LDB2: variants seen among roughly 807,000 people sequenced by gnomAD.
LDB2 encodes the protein LIM domain-binding protein 2.
LDB2 carries 12 observed loss-of-function variants against 44.3 expected under a neutral mutation model. The ratio of observed to expected loss-of-function variants is 0.27; its 90% CI spans 0.17 to 0.44. The LOEUF is 0.44. Ranked by LOEUF, LDB2 falls within the 20% of genes least tolerant of loss-of-function variation. The probability of loss-of-function intolerance (pLI) is 1.00; values close to 1 mark genes in which losing one functional copy is unlikely to be tolerated. For synonymous variants in LDB2, 164 were observed against 174.8 expected (o/e 0.94, Z 0.49); for missense variants, 344 against 473.5 (o/e 0.73, Z 2.54).
rs1778535926 is a variant in LDB2, at chr4:16,805,129, C to T, written c.133-45869G>A. 3.9e-5 allele frequency among the ~76,000 whole-genome samples: 6 copies of T among 152,148 alleles called. No individual in the cohort carries two copies. In the South Asian group the frequency reaches 1.2e-3, roughly 32 times the overall value. ...AGAAGGGTAGAGAGACCTCTGGCAT[C>T]TCTTCTTCTAAAGACACTAATTCTA... On this transcript the variant is annotated intron_variant, in intron 1 of 7. Transcript: ENST00000304523.
intron 5 of LDB2, among the ~76,000 whole-genome samples, chr4:16,568,037 C>A (rs1335381002): frequency 1.3e-5 from 2 of 152,004 alleles, no homozygotes; most frequent in Non-Finnish European, 2.9e-5. Context: ...GATAAAGGAT[C>A]CCTGTCCCTT....
chr4:16,809,132 T>C (rs886153956), intron 1 of LDB2, among the ~76,000 whole-genome samples: 2 of 152,270 alleles, frequency 1.3e-5, no homozygotes, highest in Admixed American at 6.5e-5. Context: ...AGAGCTACAA[T>C]TGAAAAGAGC....
At chr4:16,731,475 C>G (rs2108922566) in intron 2 of LDB2, among the ~76,000 whole-genome samples, 1 of 152,226 alleles carries the variant, frequency 6.6e-6, no homozygotes, top group Non-Finnish European at 1.5e-5. Flanking sequence ...ATAAGGGACC[C>G]AGACAGCATG....
At chr4:16,554,050 A>ATTT (rs369728278) in intron 5 of LDB2, among the ~76,000 whole-genome samples, 18 of 140,712 alleles carry the variant, frequency 1.3e-4, no homozygotes, top group African/African-American at 4.4e-4. Flanking sequence ...AATGGCCTGA[A>ATTT]TTTTTTTTTT....
At chr4:16,677,327 T>G (rs984424979) in intron 2 of LDB2, among the ~76,000 whole-genome samples, 1 of 152,156 alleles carries the variant, frequency 6.6e-6, no homozygotes. Flanking sequence ...TAAGCATATG[T>G]GCATAAAATA....
At chr4:16,844,070 T>C (rs1171362030) in intron 1 of LDB2, among the ~76,000 whole-genome samples, 2 of 130,696 alleles carry the variant, frequency 1.5e-5, no homozygotes, top group Non-Finnish European at 3.2e-5. Context: ...CTGGGCAACA[T>C]AGCAAGACCC....
intron 1 of LDB2, among the ~76,000 whole-genome samples, chr4:16,759,956 G>A (rs1274191523): frequency 6.6e-6 from 1 of 152,174 alleles, no homozygotes; most frequent in African/African-American, 2.4e-5. Context: ...TGTTTCTCCT[G>A]CTCATGCAGA....
At chr4:16,751,468 T>G (rs1765489353) in intron 2 of LDB2, among the ~76,000 whole-genome samples, 1 of 152,176 alleles carries the variant, frequency 6.6e-6, no homozygotes, top group Non-Finnish European at 1.5e-5. Flanking sequence ...TTGCAACTTC[T>G]GATACTATCA....
At chr4:16,532,837 T>C (rs2152306643) in intron 5 of LDB2, among the ~76,000 whole-genome samples, 1 of 152,310 alleles carries the variant, frequency 6.6e-6, no homozygotes, top group African/African-American at 2.4e-5. Flanking sequence ...GTGGGACTTC[T>C]TCGGTCATAT....
chr4:16,682,724 C>T (rs77891261), intron 2 of LDB2, among the ~76,000 whole-genome samples: 4,488 of 152,300 alleles, frequency 0.029, 84 homozygotes, highest in Middle Eastern at 0.1. Context: ...GCAGCTTTGC[C>T]TGCACCTGGT....
intron 5 of LDB2, among the ~76,000 whole-genome samples, chr4:16,568,429 C>A (rs1333728033): frequency 6.6e-6 from 1 of 152,158 alleles, no homozygotes; most frequent in Non-Finnish European, 1.5e-5. Flanking sequence ...TGAGGGATGT[C>A]TGTTTTTGCA....
At chr4:16,816,641 C>A (rs1780982265) in intron 1 of LDB2, among the ~76,000 whole-genome samples, 1 of 152,010 alleles carries the variant, frequency 6.6e-6, no homozygotes, top group Admixed American at 6.6e-5. Flanking sequence ...AAACTCCTGA[C>A]CTCAAGCGAT....
intron 2 of LDB2, among the ~76,000 whole-genome samples, chr4:16,643,614 T>C (rs1028547865): frequency 1.1e-4 from 17 of 152,220 alleles, no homozygotes; most frequent in African/African-American, 4.1e-4. Flanking sequence ...CCTAAAAATA[T>C]AGTAATTATT....
At chr4:16,756,416 GCACCC>G (rs1230235104) in intron 2 of LDB2, among the ~76,000 whole-genome samples, 4 of 152,058 alleles carry the variant, frequency 2.6e-5, no homozygotes, top group Admixed American at 1.3e-4. Flanking sequence ...TCACACCACT[GCACCC>G]CAGCCTGGGT....
At chr4:16,542,153 C>T (rs1215425694) in intron 5 of LDB2, among the ~76,000 whole-genome samples, 1 of 146,940 alleles carries the variant, frequency 6.8e-6, no homozygotes, top group African/African-American at 2.5e-5. Flanking sequence ...CCCTAGAAGG[C>T]AGCCTCATTT....
chr4:16,619,002 G>A (rs1350178016), intron 2 of LDB2, among the ~76,000 whole-genome samples: 2 of 152,030 alleles, frequency 1.3e-5, no homozygotes, highest in Admixed American at 6.5e-5. Flanking sequence ...CTTCCCCTTC[G>A]ACTTTCGCCA....
chr4:16,759,053 G>A (rs1382256741), intron 2 of LDB2, 105 bp downstream of exon 2: 11 of 694,044 alleles, frequency 1.6e-5, no homozygotes, highest in Admixed American at 2.3e-5. Flanking sequence ...AGGAGTGGAG[G>A]TATTATTGTC....
intron 1 of LDB2, among the ~76,000 whole-genome samples, chr4:16,837,700 A>G (rs183656981): frequency 1.1e-3 from 169 of 152,354 alleles, no homozygotes; most frequent in African/African-American, 3.8e-3. Flanking sequence ...CACGTTGCCA[A>G]GTTGTATGAG....
intron 1 of LDB2, among the ~76,000 whole-genome samples, chr4:16,837,484 C>T (rs1785080623): frequency 6.6e-6 from 1 of 152,188 alleles, no homozygotes; most frequent in South Asian, 2.1e-4. Flanking sequence ...GACCTAGCTA[C>T]ATAACTTGCT....
Sources: gnomAD v4.1 joint callset for allele counts (sites outside exome capture counted in the v4.1 genomes callset) on GRCh38, gnomAD v4.1.1 for gene constraint, MANE v1.5 for transcripts, NCBI Gene and HGNC (gene_info 2026-07-23, HGNC 2026-07-21) for gene names.